The following ANKS1B variants were observed in gnomAD, a reference collection of about 807,000 sequenced individuals.
The protein encoded by ANKS1B is ankyrin repeat and sterile alpha motif domain-containing protein 1B.
Under a neutral mutation model 148.3 loss-of-function variants are expected in ANKS1B, and 36 were observed. That is an observed-to-expected ratio of 0.24 (90% confidence interval 0.19 to 0.32). ANKS1B has a LOEUF of 0.32. Ranked by LOEUF, ANKS1B falls within the 10% of genes least tolerant of loss-of-function variation. ANKS1B has a pLI of 1.00. For synonymous variants in ANKS1B, 542 were observed against 560.8 expected (o/e 0.97, Z 0.47); for missense variants, 1,157 against 1,542.6 (o/e 0.75, Z 4.19).
chr12:99,304,975 G>A (rs1227971160), intron 12 of ANKS1B, among the ~76,000 whole-genome samples: 1 of 152,028 alleles, frequency 6.6e-6, no homozygotes, highest in Non-Finnish European at 1.5e-5. Context: ...ATTGGCTCAT[G>A]GTTTTGCAGA....
At chr12:99,644,126 T>A (rs2098336356) in intron 9 of ANKS1B, among the ~76,000 whole-genome samples, 1 of 152,148 alleles carries the variant, frequency 6.6e-6, no homozygotes, top group Admixed American at 6.5e-5. Context: ...AGAAATCTAC[T>A]CAGCAAAATA....
chr12:99,526,708 A>G (rs2096930168), intron 9 of ANKS1B, among the ~76,000 whole-genome samples: 3 of 152,160 alleles, frequency 2.0e-5, no homozygotes, highest in African/African-American at 7.2e-5. Flanking sequence ...AAAACAAAAA[A>G]TCTCAACAAC....
At chr12:99,673,894 A>T (rs1242808095) in intron 8 of ANKS1B, among the ~76,000 whole-genome samples, 4 of 151,740 alleles carry the variant, frequency 2.6e-5, no homozygotes, top group African/African-American at 9.7e-5. Context: ...TCAGCTCAAA[A>T]TTATAATTTA....
At chr12:99,436,086 A>T (rs960104868) in intron 11 of ANKS1B, among the ~76,000 whole-genome samples, 8 of 151,942 alleles carry the variant, frequency 5.3e-5, no homozygotes, top group African/African-American at 1.9e-4. Context: ...TCTGGAAATT[A>T]CTGAATACAG....
chr12:99,081,777 T>A (rs1411216737), intron 16 of ANKS1B, among the ~76,000 whole-genome samples: 2 of 152,174 alleles, frequency 1.3e-5, no homozygotes, highest in Non-Finnish European at 1.5e-5. Flanking sequence ...TGTTTTGCAT[T>A]ATCAAGTGGT....
At chr12:98,879,043 G>T (rs2099699552) in intron 17 of ANKS1B, among the ~76,000 whole-genome samples, 1 of 152,186 alleles carries the variant, frequency 6.6e-6, no homozygotes, top group African/African-American at 2.4e-5. Context: ...CAACCTGTGA[G>T]GCCATATTTA....
At chr12:98,977,015 T>G (rs1369271268) in intron 17 of ANKS1B, among the ~76,000 whole-genome samples, 1 of 152,222 alleles carries the variant, frequency 6.6e-6, no homozygotes, top group African/African-American at 2.4e-5. Flanking sequence ...AAGGGAAATA[T>G]CGACACTTCT....
chr12:99,326,862 C>G (rs1395578798), intron 12 of ANKS1B, among the ~76,000 whole-genome samples: 3 of 150,490 alleles, frequency 2.0e-5, no homozygotes, highest in Non-Finnish European at 4.4e-5. Context: ...TGCCTAATGA[C>G]AATTTTCCAC....
At chr12:99,151,882 T>A (rs1004676573) in intron 15 of ANKS1B, among the ~76,000 whole-genome samples, 3 of 152,172 alleles carry the variant, frequency 2.0e-5, no homozygotes, top group African/African-American at 7.2e-5. Flanking sequence ...TGATTTCTAC[T>A]GTCTTGTTCA....
At chr12:99,221,166 T>C (rs1305267833) in intron 14 of ANKS1B, among the ~76,000 whole-genome samples, 3 of 151,872 alleles carry the variant, frequency 2.0e-5, no homozygotes, top group Admixed American at 2.0e-4. Context: ...GGTAAAACCC[T>C]GTCTCTACTA....
At chr12:99,308,516 A>G (rs1342204224) in intron 12 of ANKS1B, among the ~76,000 whole-genome samples, 2 of 152,014 alleles carry the variant, frequency 1.3e-5, no homozygotes, top group African/African-American at 2.4e-5. Flanking sequence ...TTTCTGTATT[A>G]ATTCCACATC....
At chr12:98,933,353 G>A (rs2099815461) in intron 17 of ANKS1B, among the ~76,000 whole-genome samples, 1 of 152,024 alleles carries the variant, frequency 6.6e-6, no homozygotes, top group African/African-American at 2.4e-5. Context: ...GTATTCCATT[G>A]TATGCAACTG....
At chr12:99,141,673 G>A (rs2070838676) in intron 15 of ANKS1B, among the ~76,000 whole-genome samples, 1 of 151,760 alleles carries the variant, frequency 6.6e-6, no homozygotes, top group African/African-American at 2.4e-5. Flanking sequence ...AATGAGAACG[G>A]GCAGTGTTTG....
At chr12:99,069,000 T>C (rs917967783) in intron 16 of ANKS1B, among the ~76,000 whole-genome samples, 2 of 152,202 alleles carry the variant, frequency 1.3e-5, no homozygotes, top group African/African-American at 2.4e-5. Flanking sequence ...TCTATCTCTG[T>C]CTAAAATGCA....
intron 10 of ANKS1B, among the ~76,000 whole-genome samples, chr12:99,501,190 G>T (rs1406640661): frequency 6.6e-6 from 1 of 151,748 alleles, no homozygotes; most frequent in Non-Finnish European, 1.5e-5. Context: ...CACAGTCATT[G>T]TATAGTCTAC....
intron 15 of ANKS1B, among the ~76,000 whole-genome samples, chr12:99,086,217 T>C (rs1599695004): frequency 6.6e-6 from 1 of 152,136 alleles, no homozygotes; most frequent in Non-Finnish European, 1.5e-5. Flanking sequence ...GAATCCAGGG[T>C]ATTTTTTCAG....
chr12:99,510,443 G>A (rs143245986), intron 9 of ANKS1B, among the ~76,000 whole-genome samples: 1,649 of 152,076 alleles, frequency 0.011, 15 homozygotes, highest in South Asian at 0.03. Context: ...CCAACCCTCA[G>A]GGAGGACTTT....
At chr12:99,680,348 C>A (rs1004985122) in intron 8 of ANKS1B, among the ~76,000 whole-genome samples, 1 of 151,844 alleles carries the variant, frequency 6.6e-6, no homozygotes, top group African/African-American at 2.4e-5. Flanking sequence ...GGCTGAGGTG[C>A]GAGGATCACC....
chr12:99,084,722 CA>C (rs1012071920), intron 16 of ANKS1B, among the ~76,000 whole-genome samples: 1 of 151,938 alleles, frequency 6.6e-6, no homozygotes, highest in Non-Finnish European at 1.5e-5. Flanking sequence ...TGTCTCAAAA[CA>C]AAAAAACAAT....
Sources: allele counts gnomAD v4.1 joint callset (sites outside exome capture counted in the v4.1 genomes callset), GRCh38; gene constraint gnomAD v4.1.1; transcripts MANE v1.5; gene names NCBI Gene and HGNC (gene_info 2026-07-23, HGNC 2026-07-21).